Variants in HSD17B3 observed in about 807,000 individuals in gnomAD.
HSD17B3 encodes hydroxysteroid 17-beta dehydrogenase 3, also known as 17-beta-hydroxysteroid dehydrogenase type 3.
HSD17B3 carries 29 observed loss-of-function variants against 41.1 expected under a neutral mutation model. That is an observed-to-expected ratio of 0.71 (90% CI 0.53 to 0.96). The LOEUF is 0.96. HSD17B3 is among the 40% of genes least tolerant of loss of function. The probability of loss-of-function intolerance (pLI) is 0.00; values close to 1 mark genes in which losing one functional copy is unlikely to be tolerated. For missense variants in HSD17B3, 323 were observed against 374.6 expected, an observed-to-expected ratio of 0.86 and a Z score of 1.14; for synonymous variants, 126 against 145.6, an observed-to-expected ratio of 0.87 and a Z score of 0.97.
At chr9:96,266,143 A>G (rs1826037176) in intron 2 of HSD17B3, among the ~76,000 whole-genome samples, 1 of 152,254 alleles carries the variant, frequency 6.6e-6, no homozygotes, top group South Asian at 2.1e-4. Context: ...AAGAGAGGAG[A>G]GTGAGCACAC....
Position 96,243,118 on chromosome 9 carries a change from C to T in HSD17B3, c.672+1211G>A, listed in dbSNP as rs190530621. Among the ~76,000 whole-genome samples, 53 of 152,358 alleles carry T rather than the reference C, an allele frequency of 3.5e-4. No individual in the cohort carries two copies. In the East Asian group the frequency reaches 8.7e-3, roughly 25 times the overall value. The stretch of plus-strand genomic sequence containing the variant: ...TGAGCCAATGTCTTCTGTGAACCCA[C>T]AGTGGATGTGTCACGTGAATGCAAA... On this transcript the variant is annotated intron_variant, in intron 9 of 10. Transcript: ENST00000375263.
intron 2 of HSD17B3, among the ~76,000 whole-genome samples, chr9:96,279,765 G>A (rs1045210344): frequency 3.9e-5 from 6 of 151,900 alleles, no homozygotes; most frequent in Non-Finnish European, 7.4e-5. Context: ...CAAAGAGTCT[G>A]CTTTGTCACT....
intron 3 of HSD17B3, among the ~76,000 whole-genome samples, chr9:96,254,456 A>G (rs1825546523): frequency 6.6e-6 from 1 of 152,254 alleles, no homozygotes; most frequent in African/African-American, 2.4e-5. Context: ...TAGTTAATTC[A>G]GGAATTAGTT....
chr9:96,261,452 C>T (rs1408746296), intron 2 of HSD17B3, among the ~76,000 whole-genome samples: 2 of 152,208 alleles, frequency 1.3e-5, no homozygotes, highest in African/African-American at 4.8e-5. Context: ...GCCTTGGCCT[C>T]CCAAAGTGCT....
intron 2 of HSD17B3, among the ~76,000 whole-genome samples, chr9:96,277,719 G>A (rs1332792575): frequency 6.6e-6 from 1 of 152,090 alleles, no homozygotes; most frequent in Non-Finnish European, 1.5e-5. Context: ...CAAAGGAAAT[G>A]AAATCAGTAT....
intron 6 of HSD17B3, among the ~76,000 whole-genome samples, chr9:96,249,305 A>G (rs999921494): frequency 3.3e-5 from 5 of 152,232 alleles, no homozygotes; most frequent in Non-Finnish European, 7.3e-5. Flanking sequence ...TGGGACCAGA[A>G]CACAGATGAA....
rs532289103 is a variant in HSD17B3 at position 96,249,832 on chromosome 9, A to T, written c.454-46T>A. ...CACACATCAGCCGGATGATTAGAGA[A>T]ATTCTCCTGGAAAGTAGTTGGTGCT... On this transcript the variant is annotated intron_variant, in intron 5 of 10. Coordinates refer to ENST00000375263, the MANE Select transcript of HSD17B3 (RefSeq NM_000197.2). 9 of 1,613,850 alleles carry T rather than the reference A, an allele frequency of 5.6e-6. No homozygotes were observed. In the East Asian group the frequency reaches 2.0e-4, roughly 36 times the overall value.
At chr9:96,243,064 C>T (rs1192782037) in intron 9 of HSD17B3, among the ~76,000 whole-genome samples, 9 of 152,228 alleles carry the variant, frequency 5.9e-5, no homozygotes, top group Admixed American at 5.2e-4. Context: ...TCGGCTGCTC[C>T]GTCAGCCTGG....
intron 7 of HSD17B3, 107 bp downstream of exon 7, chr9:96,246,448 GT>G: frequency 1.0e-6 from 1 of 968,306 alleles, no homozygotes; most frequent in Non-Finnish European, 1.7e-6. Flanking sequence ...AGCTGTTATC[GT>G]TTGTTAAAGC....
chr9:96,246,448 G>C, intron 7 of HSD17B3, 108 bp downstream of exon 7: 1 of 968,306 alleles, frequency 1.0e-6, no homozygotes, highest in Non-Finnish European at 1.7e-6. Flanking sequence ...AGCTGTTATC[G>C]TTTGTTAAAG....
At chr9:96,235,838 C>T (rs1312904817) in intron 10 of HSD17B3, among the ~76,000 whole-genome samples, 1 of 152,074 alleles carries the variant, frequency 6.6e-6, no homozygotes, top group African/African-American at 2.4e-5. Context: ...CAAGGTCTTG[C>T]TCTGTCACCC....
intron 9 of HSD17B3, among the ~76,000 whole-genome samples, chr9:96,241,991 AAG>A (rs1400503360): frequency 6.7e-6 from 1 of 148,712 alleles, no homozygotes; most frequent in Non-Finnish European, 1.5e-5. Flanking sequence ...GAAAGAAAGA[AAG>A]AAAGAAAGAA....
At chr9:96,256,670 C>CA (rs538461441) in intron 2 of HSD17B3, among the ~76,000 whole-genome samples, 4 of 149,316 alleles carry the variant, frequency 2.7e-5, no homozygotes, top group East Asian at 3.9e-4. Context: ...GACTCTGTCT[C>CA]AAAAAAAAGA....
chr9:96,268,914 A>C (rs575388698), intron 2 of HSD17B3, among the ~76,000 whole-genome samples: 118 of 152,332 alleles, frequency 7.7e-4, no homozygotes, highest in African/African-American at 2.8e-3. Context: ...GTGGCACTGC[A>C]CTTCAGCCTG....
At chr9:96,236,680 A>G (rs1295961809) in intron 10 of HSD17B3, among the ~76,000 whole-genome samples, 1 of 152,106 alleles carries the variant, frequency 6.6e-6, no homozygotes, top group Non-Finnish European at 1.5e-5. Flanking sequence ...GGTATAGATT[A>G]TCAACATGCA....
At position 96,246,557 on chromosome 9, in the gene HSD17B3, T is replaced by C. The variant is rs1401841253; in HGVS notation, c.523A>G (p.Arg175Gly). Residue 175 changes from arginine to glycine, a missense_variant and splice_region_variant, in exon 7 of 11, where the codon AGG becomes GGG. Transcript: ENST00000375263. ...ACACTTTTTTGAAGAAGGCCTTACC[T>C]TGATTCCATATGTTTCAGAATTAGC... ...TQLILKHMESRQKGLILNISS... is the reference protein window; with the variant it reads ...TQLILKHMESGQKGLILNISS... 10 of 1,614,032 alleles carry C rather than the reference T, an allele frequency of 6.2e-6. No homozygotes were observed. The Admixed American group carries it at 1.7e-4, about 27-fold the overall frequency.
intron 2 of HSD17B3, among the ~76,000 whole-genome samples, chr9:96,274,917 A>G (rs1250620433): frequency 6.6e-6 from 1 of 152,186 alleles, no homozygotes; most frequent in East Asian, 1.9e-4. Context: ...CTCAAATAGG[A>G]TCACACAAAT....
At chr9:96,250,570 G>T in intron 5 of HSD17B3, 1 of 708,338 alleles carries the variant, frequency 1.4e-6, no homozygotes, top group Non-Finnish European at 1.8e-6. Context: ...CTAAGAAAGG[G>T]TCAACAAATT....
intron 2 of HSD17B3, among the ~76,000 whole-genome samples, chr9:96,268,011 G>C (rs1195305359): frequency 6.6e-6 from 1 of 152,134 alleles, no homozygotes; most frequent in Admixed American, 6.5e-5. Context: ...TGCAACCTCT[G>C]TCTCCTGGGT....
Sources: allele counts gnomAD v4.1 joint callset (sites outside exome capture counted in the v4.1 genomes callset), GRCh38; gene constraint gnomAD v4.1.1; transcripts MANE v1.5; gene names NCBI Gene and HGNC (gene_info 2026-07-23, HGNC 2026-07-21).